Variants in NFIB observed in about 807,000 individuals in gnomAD.
NFIB encodes nuclear factor 1 B-type.
In NFIB, 11 loss-of-function variants were observed where a neutral mutation model predicts 61.5. The ratio of observed to expected loss-of-function variants is 0.18; its 90% CI spans 0.11 to 0.30. The LOEUF (loss-of-function observed/expected upper bound fraction) is 0.30. Among genes scored for constraint, NFIB ranks in the 10% least tolerant of loss-of-function variants. The pLI is 1.00. For missense variants in NFIB, 471 were observed against 608.9 expected (o/e 0.77, Z 2.38); for synonymous variants, 260 against 216.5 (o/e 1.20, Z -1.76).
chr9:14,098,631 C>T (rs2035252746), intron 10 of NFIB, among the ~76,000 whole-genome samples: 1 of 152,182 alleles, frequency 6.6e-6, no homozygotes, highest in South Asian at 2.1e-4. Flanking sequence ...CAGTACCTAC[C>T]TTAAGCAGTT....
intron 2 of NFIB, among the ~76,000 whole-genome samples, chr9:14,191,306 T>C (rs1355367864): frequency 6.6e-6 from 1 of 152,068 alleles, no homozygotes; most frequent in Non-Finnish European, 1.5e-5. Flanking sequence ...CCAGCCTCGG[T>C]GACAGAGTGA....
At chr9:14,449,653 G>A in the NFIB span, among the ~76,000 whole-genome samples, 446 of 152,208 alleles carry the variant, frequency 2.9e-3, 1 homozygote, top group African/African-American at 0.01. Context: ...TTCTCGACCG[G>A]GTACAGTGGC....
chr9:14,206,383 G>A (rs2049719515), intron 2 of NFIB, among the ~76,000 whole-genome samples: 1 of 151,784 alleles, frequency 6.6e-6, no homozygotes, highest in African/African-American at 2.4e-5. Context: ...TGCCCAGGCT[G>A]GTCTCAAACT....
At chr9:14,508,526 T>C in the NFIB span, among the ~76,000 whole-genome samples, 1 of 152,222 alleles carries the variant, frequency 6.6e-6, no homozygotes, top group Admixed American at 6.5e-5. Context: ...CATCAATGGT[T>C]TCTCTTAGAG....
intron 2 of NFIB, 74 bp from the exon 3 acceptor site, chr9:14,179,854 A>T: frequency 7.0e-7 from 1 of 1,427,086 alleles, no homozygotes; most frequent in South Asian, 1.3e-5. Context: ...AAAGGACTCG[A>T]AAAAAAAATT....
the NFIB span, among the ~76,000 whole-genome samples, chr9:14,460,646 G>C: frequency 7.9e-5 from 12 of 152,052 alleles, no homozygotes; most frequent in African/African-American, 2.9e-4. Context: ...TCTATGTATA[G>C]ACCTATATGT....
At chr9:14,361,465 G>C (rs1457492977) in intron 1 of NFIB, 1 of 152,130 alleles carries the variant, frequency 6.6e-6, no homozygotes, top group African/African-American at 2.4e-5. Context: ...ATCAAAAAGA[G>C]AATTGTTCTG....
the NFIB span, among the ~76,000 whole-genome samples, chr9:14,481,608 C>T: frequency 1.3e-5 from 2 of 152,080 alleles, no homozygotes. Flanking sequence ...CCTCCGTCGA[C>T]TGATTTCCCA....
chr9:14,121,117 A>T (rs932417526), intron 7 of NFIB, among the ~76,000 whole-genome samples: 7 of 152,132 alleles, frequency 4.6e-5, no homozygotes, highest in Non-Finnish European at 7.4e-5. Context: ...ACAAAAAATT[A>T]GCTGAGCATG....
At chr9:14,230,829 A>C (rs1027843125) in intron 2 of NFIB, among the ~76,000 whole-genome samples, 2 of 152,098 alleles carry the variant, frequency 1.3e-5, no homozygotes, top group Admixed American at 1.3e-4. Flanking sequence ...GGCCTTTCAC[A>C]ATGTGCAAAG....
chr9:14,448,256 T>C, the NFIB span, among the ~76,000 whole-genome samples: 1 of 152,224 alleles, frequency 6.6e-6, no homozygotes, highest in Admixed American at 6.5e-5. Flanking sequence ...GTCATATGAA[T>C]CTGTCTTAAT....
the NFIB span, among the ~76,000 whole-genome samples, chr9:14,483,553 G>A: frequency 2.0e-5 from 3 of 152,130 alleles, no homozygotes; most frequent in Non-Finnish European, 2.9e-5. Flanking sequence ...TACACTACTA[G>A]TTCTGTGATT....
At chr9:14,310,839 T>C (rs1443942603) in intron 1 of NFIB, among the ~76,000 whole-genome samples, 2 of 152,174 alleles carry the variant, frequency 1.3e-5, no homozygotes, top group Non-Finnish European at 1.5e-5. Context: ...TTAATTCCAC[T>C]AGGCATATTT....
At chr9:14,371,237 C>A (rs571048585) in intron 1 of NFIB, among the ~76,000 whole-genome samples, 2 of 152,234 alleles carry the variant, frequency 1.3e-5, no homozygotes, top group Non-Finnish European at 2.9e-5. Context: ...CTTTTCATAT[C>A]TTTTCCATCA....
intron 1 of NFIB, among the ~76,000 whole-genome samples, chr9:14,371,837 T>C (rs2061361595): frequency 6.6e-6 from 1 of 152,188 alleles, no homozygotes; most frequent in Non-Finnish European, 1.5e-5. Flanking sequence ...CAACTGCTAT[T>C]TGTCAATGTA....
At chr9:14,402,141 C>A (rs1028534225), upstream of NFIB, among the ~76,000 whole-genome samples, 1 of 152,176 alleles carries the variant, frequency 6.6e-6, no homozygotes, top group African/African-American at 2.4e-5. Context: ...AAGAGACATA[C>A]TGATCACACA....
At chr9:14,242,867 T>C (rs2054500232) in intron 2 of NFIB, among the ~76,000 whole-genome samples, 1 of 152,218 alleles carries the variant, frequency 6.6e-6, no homozygotes, top group Non-Finnish European at 1.5e-5. Context: ...ATGGTTGTGA[T>C]TTGAAATGTA....
At chr9:14,257,424 G>A (rs2056328816) in intron 2 of NFIB, among the ~76,000 whole-genome samples, 1 of 152,126 alleles carries the variant, frequency 6.6e-6, no homozygotes, top group Non-Finnish European at 1.5e-5. Context: ...AGTGCTGAAT[G>A]AACAAGAGAG....
rs1158008393 is a variant in NFIB, at chr9:14,116,207, C to A, written c.1384+1G>T. ...GGTTGCTGTAGGTGAAGCTGCCTCA[C>A]CTTCAGTGGATGTAGTGATGGGTTT... On this transcript the variant is annotated splice_donor_variant, in intron 9 of 10. Transcript: ENST00000380953. LOFTEE classifies it high-confidence loss of function. 4.0e-6 allele frequency: 6 copies of A among 1,500,604 alleles called. No homozygotes were observed. The African/African-American group carries it at 8.4e-5, about 21-fold the overall frequency. 93.0% of individuals were successfully genotyped at this position (1,500,604 alleles called of 1,614,324 possible).
Sources: allele counts gnomAD v4.1 joint callset (sites outside exome capture counted in the v4.1 genomes callset), GRCh38; gene constraint gnomAD v4.1.1; transcripts MANE v1.5; gene names NCBI Gene and HGNC (gene_info 2026-07-23, HGNC 2026-07-21).